Variants in SERINC5 observed in about 807,000 individuals in gnomAD.
The protein encoded by SERINC5 is chromosome 5 open reading frame 12.
In SERINC5, 41 loss-of-function variants were observed where a neutral mutation model predicts 63.1. The observed-to-expected ratio is 0.65, with a 90% confidence interval of 0.51 to 0.84. The LOEUF (loss-of-function observed/expected upper bound fraction) is 0.84, where lower values mean the gene tolerates loss of function less well. Ranked by LOEUF, SERINC5 falls within the 40% of genes least tolerant of loss-of-function variation. SERINC5 has a pLI of 0.00. For synonymous variants in SERINC5, 222 were observed against 215.2 expected (o/e 1.03, Z -0.28); for missense variants, 523 against 573.0 (o/e 0.91, Z 0.89).
At chr5:80,229,316 TC>T (rs1439415488) in intron 1 of SERINC5, among the ~76,000 whole-genome samples, 1 of 150,782 alleles carries the variant, frequency 6.6e-6, no homozygotes, top group Non-Finnish European at 1.5e-5. Context: ...GAGCCACCAT[TC>T]CTGGCATTTT....
intron 1 of SERINC5, among the ~76,000 whole-genome samples, chr5:80,204,129 C>A (rs1750032857): frequency 1.3e-5 from 2 of 152,132 alleles, no homozygotes; most frequent in African/African-American, 4.8e-5. Context: ...TCTGGCTGTT[C>A]ATTTGTCTCC....
chr5:80,209,309 G>A (rs1473504840), intron 1 of SERINC5, among the ~76,000 whole-genome samples: 1 of 152,106 alleles, frequency 6.6e-6, no homozygotes, highest in Non-Finnish European at 1.5e-5. Flanking sequence ...CGACCACTGG[G>A]GTGGTCCCTA....
chr5:80,238,391 A>G (rs184585725), intron 1 of SERINC5, among the ~76,000 whole-genome samples: 2 of 152,338 alleles, frequency 1.3e-5, no homozygotes, highest in East Asian at 3.9e-4. Flanking sequence ...CATAGAGCAG[A>G]ACTTTCTGGA....
At chr5:80,253,261 T>C (rs1225928688) in intron 1 of SERINC5, among the ~76,000 whole-genome samples, 1 of 152,202 alleles carries the variant, frequency 6.6e-6, no homozygotes, top group African/African-American at 2.4e-5. Context: ...TGTCTCCTCC[T>C]GGGACTACAG....
intron 1 of SERINC5, among the ~76,000 whole-genome samples, chr5:80,221,388 C>A (rs539430519): frequency 1.6e-4 from 25 of 152,230 alleles, no homozygotes; most frequent in African/African-American, 4.8e-4. Flanking sequence ...ATAACAAAAG[C>A]AAGTTTCCCG....
chr5:80,170,348 A>T (rs898744224), intron 5 of SERINC5, among the ~76,000 whole-genome samples: 2 of 152,146 alleles, frequency 1.3e-5, no homozygotes, highest in Non-Finnish European at 2.9e-5. Flanking sequence ...AGGGACAAGC[A>T]GAGAATTTAC....
chr5:80,188,655 G>T (rs2112451896), intron 2 of SERINC5, among the ~76,000 whole-genome samples: 1 of 152,242 alleles, frequency 6.6e-6, no homozygotes, highest in East Asian at 1.9e-4. Flanking sequence ...AGAGGCCAAG[G>T]CAGGAGGATC....
intron 1 of SERINC5, among the ~76,000 whole-genome samples, chr5:80,254,402 A>G (rs60026386): frequency 0.044 from 6,626 of 152,072 alleles, 239 homozygotes; most frequent in East Asian, 0.17. Context: ...AACCTGCTAA[A>G]ACATCAACAG....
At chr5:80,230,527 G>A (rs12522787) in intron 1 of SERINC5, among the ~76,000 whole-genome samples, 21,897 of 148,954 alleles carry the variant, frequency 0.15, 1,834 homozygotes, top group East Asian at 0.35. Flanking sequence ...GGGCTTGAGG[G>A]AAGTTTTATA....
chr5:80,239,599 T>C (rs1416412793), intron 1 of SERINC5, among the ~76,000 whole-genome samples: 2 of 152,154 alleles, frequency 1.3e-5, no homozygotes, highest in East Asian at 1.9e-4. Flanking sequence ...AACTGGATTC[T>C]TACAATCAGA....
intron 11 of SERINC5, among the ~76,000 whole-genome samples, chr5:80,122,121 A>T (rs1331889643): frequency 1.3e-5 from 2 of 151,330 alleles, no homozygotes; most frequent in Admixed American, 1.3e-4. Context: ...TGTAAATTGC[A>T]ATCTCTCTGT....
chr5:80,172,069 T>C (rs1172981125), intron 5 of SERINC5, among the ~76,000 whole-genome samples: 1 of 152,188 alleles, frequency 6.6e-6, no homozygotes, highest in African/African-American at 2.4e-5. Flanking sequence ...TGGTGGCTCA[T>C]GCCTGTAATC....
chr5:80,229,144 C>A (rs1751314844), intron 1 of SERINC5, among the ~76,000 whole-genome samples: 1 of 148,956 alleles, frequency 6.7e-6, no homozygotes. Context: ...GTGCCTCAGC[C>A]TCCCCAGTAG....
At chr5:80,220,624 C>G (rs1750857684) in intron 1 of SERINC5, among the ~76,000 whole-genome samples, 1 of 152,128 alleles carries the variant, frequency 6.6e-6, no homozygotes, top group African/African-American at 2.4e-5. Flanking sequence ...CTCAGGGAGC[C>G]CCAAGTGGAG....
rs750998274 is a variant in SERINC5, at chr5:80,143,300, G to A, written c.*363C>T. 4.4e-5 allele frequency: 44 copies of A among 1,008,986 alleles called. No homozygotes were observed. The highest frequency in any genetic ancestry group is 4.9e-5 in the Non-Finnish European group (41 of 845,088). The allele number at this position is 1,008,986 out of a possible 1,614,324, so 62.5% of individuals were successfully genotyped here. On this transcript the variant is annotated 3_prime_UTR_variant, in exon 12 of 12. Coordinates refer to ENST00000507668, the MANE Select transcript of SERINC5 (RefSeq NM_001174072.3). ...AGATTTTGGCATGTTTTTCTATTCC[G>A]AGGATGAGAATGACTGGCCCCACAA...
rs1243265145 is a variant in SERINC5 at position 80,141,086 on chromosome 5, T to C, written c.*2577A>G. 2 of 985,268 alleles carry C rather than the reference T, an allele frequency of 2.0e-6. No individual in the cohort carries two copies. Among genetic ancestry groups the C allele is most frequent in the Non-Finnish European group, 2.4e-6 (2 of 829,870 alleles). 61.0% of individuals were successfully genotyped at this position (985,268 alleles called of 1,614,324 possible). On this transcript the variant is annotated 3_prime_UTR_variant, in exon 12 of 12. Transcript: ENST00000507668. Reference sequence around the variant, plus strand: ...ATGTTGACTCCTCACCTGAGTATTGTATATCACAATTAATAACCATTAACA... The same window carrying C: ...ATGTTGACTCCTCACCTGAGTATTGCATATCACAATTAATAACCATTAACA...
intron 1 of SERINC5, among the ~76,000 whole-genome samples, chr5:80,218,545 C>T (rs189448398): frequency 2.0e-5 from 3 of 151,856 alleles, no homozygotes; most frequent in South Asian, 2.1e-4. Context: ...CATGGTGGCA[C>T]GTGCCTGTAA....
Position 80,140,716 on chromosome 5 carries a change from T to A in SERINC5, c.*2947A>T. 1 of 985,168 alleles carries A rather than the reference T, an allele frequency of 1.0e-6. No homozygotes were observed. Among genetic ancestry groups the A allele is most frequent in the Non-Finnish European group, 1.2e-6 (1 of 829,850 alleles). The allele number at this position is 985,168 out of a possible 1,614,324, so 61.0% of individuals were successfully genotyped here. On this transcript the variant is annotated 3_prime_UTR_variant, in exon 12 of 12. Transcript: ENST00000507668. ...AACATGCCGCGGTATGACACTCCCA[T>A]AAGAACCCCCACCCCCCTGCCACCC... is the stretch of plus-strand genomic sequence containing the variant.
At chr5:80,216,272 G>A (rs983960105) in intron 1 of SERINC5, among the ~76,000 whole-genome samples, 3 of 152,028 alleles carry the variant, frequency 2.0e-5, no homozygotes, top group Non-Finnish European at 4.4e-5. Context: ...GCCTCTACCC[G>A]CTAGATGCCA....
Sources: allele counts gnomAD v4.1 joint callset (sites outside exome capture counted in the v4.1 genomes callset), GRCh38; gene constraint gnomAD v4.1.1; transcripts MANE v1.5; gene names NCBI Gene and HGNC (gene_info 2026-07-23, HGNC 2026-07-21).